RFX7: variants seen among roughly 807,000 people sequenced by gnomAD.
RFX7 encodes the protein DNA-binding protein RFX7.
RFX7 carries 26 observed loss-of-function variants against 111.8 expected under a neutral mutation model. The ratio of observed to expected loss-of-function variants is 0.23; its 90% confidence interval spans 0.17 to 0.32. The LOEUF (loss-of-function observed/expected upper bound fraction) is 0.32, where lower values mean the gene tolerates loss of function less well. RFX7 is among the 10% of genes least tolerant of loss of function. The probability of loss-of-function intolerance (pLI) is 1.00; values close to 1 mark genes in which losing one functional copy is unlikely to be tolerated. For missense variants in RFX7, 1,573 were observed against 1,772.9 expected, an observed-to-expected ratio of 0.89 and a Z score of 2.02; for synonymous variants, 624 against 624.4, an observed-to-expected ratio of 1.00 and a Z score of 0.01.
At chr15:56,178,227 A>G (rs2042925754) in intron 3 of RFX7, among the ~76,000 whole-genome samples, 1 of 151,286 alleles carries the variant, frequency 6.6e-6, no homozygotes, top group Non-Finnish European at 1.5e-5. Context: ...AAGAAGAGTA[A>G]ATGAAAGGAA....
intron 3 of RFX7, among the ~76,000 whole-genome samples, chr15:56,161,127 C>A (rs1170210815): frequency 6.6e-6 from 1 of 152,056 alleles, no homozygotes; most frequent in African/African-American, 2.4e-5. Context: ...GACATCAGTA[C>A]TTAGAGAACA....
chr15:56,166,234 T>G (rs549544013), intron 3 of RFX7, among the ~76,000 whole-genome samples: 1 of 152,246 alleles, frequency 6.6e-6, no homozygotes, highest in Non-Finnish European at 1.5e-5. Flanking sequence ...TAGGATTGCG[T>G]TGAATTACTG....
chr15:56,153,992 C>A (rs1376314770), intron 3 of RFX7, among the ~76,000 whole-genome samples: 1 of 151,298 alleles, frequency 6.6e-6, no homozygotes, highest in Non-Finnish European at 1.5e-5. Flanking sequence ...TTTGTATACA[C>A]CAATAATAGA....
chr15:56,222,508 A>G (rs2043438007), intron 2 of RFX7, among the ~76,000 whole-genome samples: 1 of 152,202 alleles, frequency 6.6e-6, no homozygotes, highest in African/African-American at 2.4e-5. Context: ...CCCACGAGTC[A>G]CAGAGACTTG....
chr15:56,171,118 T>C (rs1232207315), intron 3 of RFX7, among the ~76,000 whole-genome samples: 1 of 152,108 alleles, frequency 6.6e-6, no homozygotes, highest in South Asian at 2.1e-4. Context: ...GCAGTAGCAG[T>C]AGGAATACAC....
intron 3 of RFX7, among the ~76,000 whole-genome samples, chr15:56,152,691 A>G (rs776066114): frequency 1.3e-5 from 2 of 152,108 alleles, no homozygotes; most frequent in Non-Finnish European, 2.9e-5. Flanking sequence ...AAGACATGAA[A>G]TAACTAAGAT....
chr15:56,174,910 C>A (rs547784876), intron 3 of RFX7, among the ~76,000 whole-genome samples: 2 of 152,058 alleles, frequency 1.3e-5, no homozygotes, highest in Non-Finnish European at 2.9e-5. Flanking sequence ...TCCTTAAGAT[C>A]CGGAACAAGG....
At chr15:56,183,111 G>T (rs2042994250) in intron 2 of RFX7, among the ~76,000 whole-genome samples, 1 of 151,844 alleles carries the variant, frequency 6.6e-6, no homozygotes, top group Admixed American at 6.6e-5. Flanking sequence ...GCAATGTTGT[G>T]TGCCTTTTTA....
intron 2 of RFX7, chr15:56,189,896 G>A (rs2043083085): frequency 6.6e-6 from 1 of 152,142 alleles, no homozygotes; most frequent in Admixed American, 6.5e-5. Context: ...TGAAGAAAAA[G>A]AATGTTCATA....
At chr15:56,219,513 C>T (rs1026110583) in intron 2 of RFX7, among the ~76,000 whole-genome samples, 2 of 152,160 alleles carry the variant, frequency 1.3e-5, no homozygotes, top group South Asian at 2.1e-4. Flanking sequence ...TTTTTTAACC[C>T]TTACCCTCTA....
intron 8 of RFX7, 21 bp from the exon 9 acceptor site, chr15:56,098,397 A>C: frequency 1.3e-6 from 2 of 1,556,474 alleles, no homozygotes; most frequent in South Asian, 1.2e-5. Context: ...ACAGAAAGGA[A>C]AGCTGCAATA....
chr15:56,201,696 C>T (rs2043194232), intron 2 of RFX7, among the ~76,000 whole-genome samples: 2 of 152,150 alleles, frequency 1.3e-5, no homozygotes, highest in South Asian at 2.1e-4. Context: ...TACTTCAAAG[C>T]GATGTATGGA....
Position 56,093,166 on chromosome 15 carries a change from A to T in RFX7, c.*179T>A. ...TGTTCTTCTACAGCCTACTGTCTTT[A>T]GACACTTGTTAAGAACTGAGGCAAG... On this transcript the variant is annotated 3_prime_UTR_variant, in exon 10 of 10. Transcript: ENST00000559447. 1.8e-6 allele frequency: 1 copy of T among 567,186 alleles called. No individual in the cohort carries two copies. Among genetic ancestry groups the T allele is most frequent in the Non-Finnish European group, 3.1e-6 (1 of 326,288 alleles). The allele number at this position is 567,186 out of a possible 1,614,324, so 35.1% of individuals were successfully genotyped here. A position where few individuals can be genotyped will look rare whatever the true frequency, so the allele number is the denominator to read the frequency against.
At chr15:56,153,597 T>A (rs1489883622) in intron 3 of RFX7, among the ~76,000 whole-genome samples, 2 of 152,162 alleles carry the variant, frequency 1.3e-5, no homozygotes, top group African/African-American at 4.8e-5. Flanking sequence ...ATTCACCCCT[T>A]CATGCTAAAA....
chr15:56,139,971 G>T (rs371023731), intron 5 of RFX7, among the ~76,000 whole-genome samples: 7 of 152,098 alleles, frequency 4.6e-5, no homozygotes, highest in Non-Finnish European at 8.8e-5. Flanking sequence ...CAGTCTGCCC[G>T]TTCTCAGATC....
At chr15:56,103,194 C>A (rs1053731848) in intron 6 of RFX7, among the ~76,000 whole-genome samples, 1 of 107,848 alleles carries the variant, frequency 9.3e-6, no homozygotes, top group African/African-American at 3.6e-5. Context: ...AAGGAAGAAA[C>A]GAAGATAAGC....
chr15:56,096,648 T>A, intron 9 of RFX7, 28 bp from the exon 10 acceptor site: 1 of 1,536,696 alleles, frequency 6.5e-7, no homozygotes, highest in Non-Finnish European at 8.8e-7. Flanking sequence ...AAAATCAGAT[T>A]TAACAGGTCT....
intron 2 of RFX7, among the ~76,000 whole-genome samples, chr15:56,198,479 A>G (rs926913580): frequency 6.6e-5 from 10 of 152,306 alleles, no homozygotes; most frequent in African/African-American, 2.4e-4. Flanking sequence ...ATATTGAAAC[A>G]TATCTCTATT....
At chr15:56,188,829 AT>A (rs1191383582) in intron 2 of RFX7, among the ~76,000 whole-genome samples, 2 of 151,494 alleles carry the variant, frequency 1.3e-5, no homozygotes, top group South Asian at 4.2e-4. Flanking sequence ...AGCAATAAAC[AT>A]TTTTTTTTCT....
Sources: gnomAD v4.1 joint callset for allele counts (sites outside exome capture counted in the v4.1 genomes callset) on GRCh38, gnomAD v4.1.1 for gene constraint, MANE v1.5 for transcripts, NCBI Gene and HGNC (gene_info 2026-07-23, HGNC 2026-07-21) for gene names.